The following NDST4 variants were observed in gnomAD, a reference collection of about 807,000 sequenced individuals.
NDST4 encodes N-deacetylase and N-sulfotransferase 4, also known as N-heparan sulfate sulfotransferase 4.
In NDST4, 63 loss-of-function variants were observed where a neutral mutation model predicts 100.8. That is an observed-to-expected ratio of 0.62 (90% CI 0.51 to 0.77). The LOEUF is 0.77. NDST4 is among the 30% of genes least tolerant of loss of function. NDST4 has a pLI of 0.00. For synonymous variants in NDST4, 377 were observed against 361.8 expected, an observed-to-expected ratio of 1.04 and a Z score of -0.48; for missense variants, 943 against 1,018.4, an observed-to-expected ratio of 0.93 and a Z score of 1.01.
intron 6 of NDST4, among the ~76,000 whole-genome samples, chr4:114,933,373 G>A (rs1725553072): frequency 6.9e-6 from 1 of 145,424 alleles, no homozygotes; most frequent in African/African-American, 2.5e-5. Context: ...AAAACTACTA[G>A]AAGGAAGTAT....
intron 7 of NDST4, among the ~76,000 whole-genome samples, chr4:114,866,250 C>T (rs1452909262): frequency 2.0e-5 from 3 of 152,144 alleles, no homozygotes; most frequent in African/African-American, 7.2e-5. Context: ...TCTGGGCTTC[C>T]CTCTCTCATA....
chr4:114,870,765 T>C lies in NDST4; in HGVS notation c.1719+3A>G. 6.3e-7 allele frequency: 1 copy of C among 1,594,234 alleles called. No individual in the cohort carries two copies. Among genetic ancestry groups the C allele is most frequent in the Non-Finnish European group, 8.5e-7 (1 of 1,172,890 alleles). On this transcript the variant is annotated splice_donor_region_variant and intron_variant, in intron 7 of 13. Coordinates refer to ENST00000264363, the MANE Select transcript of NDST4 (RefSeq NM_022569.3). ...CACCCCAAGAGAGAATGTTAAATGT[T>C]ACCTGCCATAGAGGGTCTTTCTGCT...
At chr4:115,060,277 C>T (rs917333621) in intron 2 of NDST4, among the ~76,000 whole-genome samples, 3 of 151,998 alleles carry the variant, frequency 2.0e-5, no homozygotes, top group Non-Finnish European at 4.4e-5. Flanking sequence ...TCAGCAGAAA[C>T]ATTCTGATGT....
At chr4:114,880,203 C>CCTTT in intron 6 of NDST4, among the ~76,000 whole-genome samples, 1 of 152,270 alleles carries the variant, frequency 6.6e-6, no homozygotes, top group South Asian at 2.1e-4. Flanking sequence ...GCAACACATG[C>CCTTT]TCACAACCGT....
In NDST4 at chr4:115,006,160, A is replaced by T. The variant is rs1727413003; in HGVS notation, c.979-28886T>A. 2.6e-5 allele frequency among the ~76,000 whole-genome samples: 4 copies of T among 152,090 alleles called. No individual in the cohort carries two copies. The South Asian group carries it at 8.3e-4, about 31-fold the overall frequency. On this transcript the variant is annotated intron_variant, in intron 2 of 13. Transcript: ENST00000264363. Reference sequence around the variant, plus strand: ...ATAGGTATATGTAAAGCCTGGAAAGACAACACAAAACATACATTCAGGAAA... The same window carrying T: ...ATAGGTATATGTAAAGCCTGGAAAGTCAACACAAAACATACATTCAGGAAA...
At chr4:114,963,309 C>T (rs12511801) in intron 4 of NDST4, among the ~76,000 whole-genome samples, 67,850 of 151,850 alleles carry the variant, frequency 0.45, 16,735 homozygotes, top group Non-Finnish European at 0.58. Context: ...AAACATTATG[C>T]TAAGTGAAAA....
chr4:114,981,619 T>C (rs1420249594), intron 2 of NDST4, among the ~76,000 whole-genome samples: 1 of 152,202 alleles, frequency 6.6e-6, no homozygotes, highest in East Asian at 1.9e-4. Flanking sequence ...AATCTGTTTT[T>C]AACAATGATT....
At chr4:115,039,310 A>T (rs150073051) in intron 2 of NDST4, among the ~76,000 whole-genome samples, 2 of 152,270 alleles carry the variant, frequency 1.3e-5, no homozygotes, top group African/African-American at 4.8e-5. Context: ...TGCTAGAGCT[A>T]GAAAGGTTTT....
chr4:114,897,386 A>G (rs1408925673), intron 6 of NDST4, among the ~76,000 whole-genome samples: 1 of 152,084 alleles, frequency 6.6e-6, no homozygotes, highest in Non-Finnish European at 1.5e-5. Context: ...AGTTTCTTCC[A>G]TGTCTTTTCA....
intron 2 of NDST4, among the ~76,000 whole-genome samples, chr4:115,007,083 T>C (rs1230938374): frequency 6.6e-6 from 1 of 152,156 alleles, no homozygotes; most frequent in Non-Finnish European, 1.5e-5. Context: ...ACTATTGTAA[T>C]TCTCCATTTT....
chr4:114,828,076 A>G (rs534682842), intron 13 of NDST4, 141 bp from the exon 14 acceptor site: 1 of 797,794 alleles, frequency 1.3e-6, no homozygotes, highest in East Asian at 3.4e-5. Flanking sequence ...TTCCTCAAAT[A>G]TCAGTTATTT....
chr4:115,016,682 G>C (rs1208672216), intron 2 of NDST4, among the ~76,000 whole-genome samples: 1 of 152,048 alleles, frequency 6.6e-6, no homozygotes, highest in Non-Finnish European at 1.5e-5. Flanking sequence ...GGGATAATAT[G>C]TATGCAATAC....
chr4:114,877,154 C>A (rs1724272929), intron 6 of NDST4, among the ~76,000 whole-genome samples: 1 of 152,172 alleles, frequency 6.6e-6, no homozygotes, highest in Non-Finnish European at 1.5e-5. Flanking sequence ...CCATGGTTCT[C>A]CCAGAACTTT....
At chr4:115,006,927 T>TAAC (rs542397111) in intron 2 of NDST4, among the ~76,000 whole-genome samples, 16 of 151,958 alleles carry the variant, frequency 1.1e-4, no homozygotes, top group Non-Finnish European at 2.1e-4. Flanking sequence ...ATAATAATAA[T>TAAC]AACAACAACA....
chr4:114,858,548 G>C (rs1723848088), intron 7 of NDST4, among the ~76,000 whole-genome samples: 1 of 152,170 alleles, frequency 6.6e-6, no homozygotes, highest in South Asian at 2.1e-4. Flanking sequence ...CCAGCTTGAA[G>C]ATATAGTGTA....
intron 2 of NDST4, among the ~76,000 whole-genome samples, chr4:115,000,009 T>G (rs1727251372): frequency 2.0e-5 from 3 of 152,040 alleles, no homozygotes; most frequent in African/African-American, 7.2e-5. Flanking sequence ...ATACTTCTGA[T>G]TCTTTTATCA....
intron 6 of NDST4, among the ~76,000 whole-genome samples, chr4:114,900,879 T>C (rs1724822051): frequency 6.6e-6 from 1 of 152,174 alleles, no homozygotes; most frequent in Admixed American, 6.5e-5. Context: ...TTAAAATTTT[T>C]CTTGAAATTT....
At chr4:115,100,568 A>C (rs1354155057) in intron 1 of NDST4, among the ~76,000 whole-genome samples, 1 of 152,110 alleles carries the variant, frequency 6.6e-6, no homozygotes, top group Non-Finnish European at 1.5e-5. Flanking sequence ...ACTATTACAC[A>C]TGCACAGTAG....
chr4:114,885,717 A>G (rs756206144), intron 6 of NDST4, among the ~76,000 whole-genome samples: 6 of 152,054 alleles, frequency 3.9e-5, no homozygotes, highest in Admixed American at 6.6e-5. Flanking sequence ...CTGTATTCCC[A>G]TAGGATTTTG....
Sources: gnomAD v4.1 joint callset for allele counts (sites outside exome capture counted in the v4.1 genomes callset) on GRCh38, gnomAD v4.1.1 for gene constraint, MANE v1.5 for transcripts, NCBI Gene and HGNC (gene_info 2026-07-23, HGNC 2026-07-21) for gene names.